Variants in PRMT5 observed in about 807,000 individuals in gnomAD.
PRMT5 encodes protein arginine methyltransferase 5, also known as protein arginine N-methyltransferase 5.
Under a neutral mutation model 84.0 loss-of-function variants are expected in PRMT5, and 15 were observed. That is an observed-to-expected ratio of 0.18 (90% CI 0.12 to 0.28). The LOEUF is 0.28. Among genes scored for constraint, PRMT5 ranks in the 10% least tolerant of loss-of-function variants. The pLI is 1.00. For synonymous variants in PRMT5, 276 were observed against 292.4 expected (o/e 0.94, Z 0.57); for missense variants, 486 against 808.0 (o/e 0.60, Z 4.83).
Position 22,928,106 on chromosome 14 carries a change from G to A in PRMT5, c.315+20C>T, listed in dbSNP as rs1466338378. 2 of 1,606,982 alleles carry A rather than the reference G, an allele frequency of 1.2e-6. No individual in the cohort carries two copies. The highest frequency in any genetic ancestry group is 1.7e-6 in the Non-Finnish European group (2 of 1,175,504). ...CCAGCTTGGTTAGAAAAATCCAGCA[G>A]AGAAGTCAAACAGTCTTACCGCCTC... On this transcript the variant is annotated intron_variant, in intron 3 of 16. Transcript: ENST00000324366. This position sits in a 1 kb window ranked among gnomAD's most constrained non-coding sequence, Gnocchi z 4.8.
chr14:22,927,601 G>A lies in PRMT5; in HGVS notation c.375C>T (p.Pro125=), dbSNP rs74039805. 1.7e-3 allele frequency: 2,670 copies of A among 1,614,062 alleles called. 34 individuals carry two copies. The African/African-American group carries it at 0.032, about 20-fold the overall frequency. ...GGTTGGTGTTATCTTCCTGATTAAG[G>A]GGCAGCAGGAAAGCTGGAAGACCCA... is the stretch of plus-strand genomic sequence containing the variant. ...AYLGLPAFLL[P]LNQEDNTNLA... is the part of the protein sequence containing the mutation. The change falls in exon 4 of 17, where the codon CCC becomes CCT. Residue 125 remains proline (P), a synonymous_variant. Coordinates refer to ENST00000324366, the MANE Select transcript of PRMT5 (RefSeq NM_006109.5).
Position 22,928,367 on chromosome 14 carries a change from A to G in PRMT5, c.229+130T>C. On this transcript the variant is annotated intron_variant, in intron 2 of 16. Transcript: ENST00000324366. This position sits in a 1 kb window ranked among gnomAD's most constrained non-coding sequence, Gnocchi z 4.8. ...TGATGCAGAATAGAGAAGCAAGGAG[A>G]AAACAAGTTATCTATATCCCAGGGA... 1 of 1,148,198 alleles carries G rather than the reference A, an allele frequency of 8.7e-7. No homozygotes were observed. The highest frequency in any genetic ancestry group is 1.3e-6 in the Non-Finnish European group (1 of 774,308). The allele number at this position is 1,148,198 out of a possible 1,614,324, so 71.1% of individuals were successfully genotyped here.
At position 22,920,990 on chromosome 14, in the gene PRMT5, T is replaced by G. The variant is rs780227764; in HGVS notation, c.1828A>C (p.Lys610Gln). ...VRFWRCSNSK[K>Q]VWYEWAVTAP... is the part of the protein sequence containing the mutation. ...GTCACAGCCCACTCATACCACACCT[T>G]CTTGGAATTGCTGCATCGCCAGAAA... is the stretch of plus-strand genomic sequence containing the variant. Residue 610 changes from lysine to glutamine, a missense_variant, in exon 17 of 17, where the codon AAG becomes CAG. By Grantham distance (53) the Lys-to-Gln change is moderately conservative (BLOSUM62 1). This residue lies in a region of PRMT5 where 219 missense variants were observed against 433.6 expected (regional missense o/e 0.51). Transcript: ENST00000324366. The G allele has an allele frequency of 1.9e-6, 3 of 1,614,068 alleles. No individual in the cohort carries two copies. The highest frequency in any genetic ancestry group is 2.5e-6 in the Non-Finnish European group (3 of 1,180,048).
intron 7 of PRMT5, 111 bp from the exon 8 acceptor site, chr14:22,925,151 C>CA: frequency 3.5e-6 from 3 of 867,884 alleles, no homozygotes; most frequent in Non-Finnish European, 4.7e-6. Flanking sequence ...CAACAGTTCT[C>CA]TTTTTTTTTT....
In PRMT5 at chr14:22,928,075, C is replaced by A; in HGVS notation, c.315+51G>T. ...ATTGGGGATGGGAGGGGACCACTCT[C>A]CCCACCCAGCTTGGTTAGAAAAATC... is the stretch of plus-strand genomic sequence containing the variant. On this transcript the variant is annotated intron_variant, in intron 3 of 16. Coordinates refer to ENST00000324366, the MANE Select transcript of PRMT5 (RefSeq NM_006109.5). This position sits in a 1 kb window ranked among gnomAD's most constrained non-coding sequence, Gnocchi z 4.8. The A allele has an allele frequency of 6.6e-7, 1 of 1,517,986 alleles. No homozygotes were observed. Among genetic ancestry groups the A allele is most frequent in the South Asian group, 1.2e-5 (1 of 85,816 alleles). The allele number at this position is 1,517,986 out of a possible 1,614,324, so 94.0% of individuals were successfully genotyped here. A position where few individuals can be genotyped will look rare whatever the true frequency, so the allele number is the denominator to read the frequency against.
At chr14:22,929,069 C>G (rs756090441) in intron 1 of PRMT5, 183 bp downstream of exon 1, 17 of 1,466,760 alleles carry the variant, frequency 1.2e-5, no homozygotes, top group Non-Finnish European at 1.5e-5. Context: ...TGACCACAGG[C>G]CTCCCACAAG....
chr14:22,921,687 A>G (rs2044299972), intron 16 of PRMT5, among the ~76,000 whole-genome samples: 1 of 152,130 alleles, frequency 6.6e-6, no homozygotes, highest in Non-Finnish European at 1.5e-5. Context: ...GATCGAGACC[A>G]TCCTGGCTAA....
rs758527390 is a variant in PRMT5 at position 22,924,340 on chromosome 14, G to T, written c.1129C>A (p.Arg377=). ...CGCCGGTCGGCCTGCTTGGCTGCCCGCAGGGAAGCGTTCACCAGGGGTCCC... is the reference window on the plus strand; with the variant it reads ...CGCCGGTCGGCCTGCTTGGCTGCCCTCAGGGAAGCGTTCACCAGGGGTCCC... ...GRGPLVNASL[R]AAKQADRRIK... is the part of the protein sequence containing the mutation. The change falls in exon 11 of 17, where the codon CGG becomes AGG. Residue 377 remains arginine (R), a synonymous_variant. Transcript: ENST00000324366. The surrounding 1 kb of genome is among the most constrained non-coding windows in gnomAD (Gnocchi z 6.5). 2.5e-6 allele frequency: 4 copies of T among 1,613,906 alleles called. No homozygotes were observed. The highest frequency in any genetic ancestry group is 1.7e-6 in the Non-Finnish European group (2 of 1,180,024).
chr14:22,922,292 G>A, intron 15 of PRMT5, 52 bp from the exon 16 acceptor site: 1 of 1,512,210 alleles, frequency 6.6e-7, no homozygotes, highest in Non-Finnish European at 9.2e-7. Flanking sequence ...TGTGACTTTT[G>A]CCTATGCTGA....
rs888743433 is a variant in PRMT5, at chr14:22,923,463, T to C, written c.1376-303A>G. ...GGTCACAAAGTCCCACAAAAGTTCC[T>C]GATGAAAGCTAAGCTCAGGGTACAT... On this transcript the variant is annotated intron_variant, in intron 12 of 16. Coordinates refer to ENST00000324366, the MANE Select transcript of PRMT5 (RefSeq NM_006109.5). The surrounding 1 kb of genome is among the most constrained non-coding windows in gnomAD (Gnocchi z 5.2). 1 of 226,438 alleles carries C rather than the reference T, an allele frequency of 4.4e-6. No homozygotes were observed. The highest frequency in any genetic ancestry group is 8.5e-6 in the Non-Finnish European group (1 of 117,452). 14.0% of individuals were successfully genotyped at this position (226,438 alleles called of 1,614,324 possible).
intron 7 of PRMT5, among the ~76,000 whole-genome samples, chr14:22,925,346 G>A (rs1258453650): frequency 2.0e-5 from 3 of 151,378 alleles, no homozygotes; most frequent in East Asian, 3.9e-4. Context: ...TAGTAGAGAC[G>A]GGGTTTCACC....
Position 22,924,644 on chromosome 14 carries a change from A to G in PRMT5, c.1005T>C (p.Ser335=), listed in dbSNP as rs1419273306. ...CACCACACAGTACCTGCTGGTACTG[A>G]GAGTATTTGATGGGGTCCTTTTCAA... is the stretch of plus-strand genomic sequence containing the variant. ...EVFEKDPIKY[S]QYQQAIYKCL... Residue 335 remains serine (S), a synonymous_variant, in exon 9 of 17, where the codon TCT becomes TCC. Coordinates refer to ENST00000324366, the MANE Select transcript of PRMT5 (RefSeq NM_006109.5). This position sits in a 1 kb window ranked among gnomAD's most constrained non-coding sequence, Gnocchi z 6.5. The G allele has an allele frequency of 6.2e-7, 1 of 1,613,856 alleles. No individual in the cohort carries two copies. The highest frequency in any genetic ancestry group is 1.7e-5 in the Admixed American group (1 of 59,982).
Position 22,929,349 on chromosome 14 carries a change from C to A in PRMT5, c.13G>T (p.Ala5Ser). Residue 5 changes from alanine (A) to serine (S), a missense_variant, in exon 1 of 17, where the codon GCG becomes TCG. Ala to Ser is a moderately conservative substitution (Grantham distance 99, BLOSUM62 1). Around this residue, in one of 4 missense-constraint regions of PRMT5, gnomAD observed 51 missense variants for 53.8 expected, o/e 0.95. Transcript: ENST00000324366. MAAMAVGGAGGSRVS... is the reference protein window; with the variant it reads MAAMSVGGAGGSRVS... ...CGGCTCCCACCAGCACCCCCGACCG[C>A]CATCGCCGCCATCTTTCTCCTCGCG... is the stretch of plus-strand genomic sequence containing the variant. 6.2e-7 allele frequency: 1 copy of A among 1,608,522 alleles called. No homozygotes were observed.
chr14:22,921,125 G>A (rs1302362639), intron 16 of PRMT5, 69 bp from the exon 17 acceptor site: 1 of 1,569,412 alleles, frequency 6.4e-7, no homozygotes, highest in East Asian at 2.2e-5. Flanking sequence ...ATTAAGGTAG[G>A]TGTGGAGATA....
chr14:22,925,218 T>C (rs2044392807), intron 7 of PRMT5, among the ~76,000 whole-genome samples, 178 bp from the exon 8 acceptor site: 2 of 151,130 alleles, frequency 1.3e-5, no homozygotes, highest in African/African-American at 4.9e-5. Flanking sequence ...TGCAATGGCG[T>C]GATCTTGGCT....
rs775567375 is a variant in PRMT5, at chr14:22,929,270, C to T, written c.92G>A (p.Gly31Glu). 21 of 1,613,952 alleles carry T rather than the reference C, an allele frequency of 1.3e-5. No individual in the cohort carries two copies. The highest frequency in any genetic ancestry group is 1.7e-5 in the Non-Finnish European group (20 of 1,180,018). ...CCCTCACCCCTGCTTGGCCACAGCC[C>T]CTAGTGTGTCAGCTATTTCGGGGAC... ...NCVPEIADTLGAVAKQGFDFL... is the reference protein window; with the variant it reads ...NCVPEIADTLEAVAKQGFDFL... The change falls in exon 1 of 17, where the codon GGG (glycine) becomes GAG (glutamate). Residue 31 changes from glycine (G) to glutamate (E), a missense_variant. Physicochemically the swap from Gly to Glu is moderately conservative, Grantham distance 98. Transcript: ENST00000324366.
chr14:22,926,832 C>T lies in PRMT5; in HGVS notation c.451-18G>A. On this transcript the variant is annotated intron_variant, in intron 4 of 16. Coordinates refer to ENST00000324366, the MANE Select transcript of PRMT5 (RefSeq NM_006109.5). ...ATCCAGAACTGCACATGAACAGTCA[C>T]CCTTTTAGAACTCTCTTTTGAACTC... 6 of 1,566,950 alleles carry T rather than the reference C, an allele frequency of 3.8e-6. No homozygotes were observed. Among genetic ancestry groups the T allele is most frequent in the Non-Finnish European group, 5.3e-6 (6 of 1,137,186 alleles).
intron 4 of PRMT5, 178 bp from the exon 5 acceptor site, chr14:22,926,992 C>T: frequency 3.4e-6 from 2 of 589,480 alleles, no homozygotes; most frequent in South Asian, 4.4e-5. Context: ...AAATATCTGC[C>T]TTGTCTTACG....
chr14:22,926,073 C>T lies in PRMT5; in HGVS notation c.777+60G>A, dbSNP rs554855600. On this transcript the variant is annotated intron_variant, in intron 7 of 16. Coordinates refer to ENST00000324366, the MANE Select transcript of PRMT5 (RefSeq NM_006109.5). ...AGCCTCACAGGAAAAAACGATCATACACAGGTAAATAAGGCAAGATGTATA... is the reference window on the plus strand; with the variant it reads ...AGCCTCACAGGAAAAAACGATCATATACAGGTAAATAAGGCAAGATGTATA... 32 of 1,483,396 alleles carry T rather than the reference C, an allele frequency of 2.2e-5. No individual in the cohort carries two copies. The Admixed American group carries it at 5.0e-4, about 23-fold the overall frequency. 91.9% of individuals were successfully genotyped at this position (1,483,396 alleles called of 1,614,324 possible).
Sources: allele counts gnomAD v4.1 joint callset (sites outside exome capture counted in the v4.1 genomes callset), GRCh38; gene constraint gnomAD v4.1.1; regional missense constraint gnomAD v4.1.1; non-coding constraint Gnocchi (gnomAD v3.1); transcripts MANE v1.5; gene names NCBI Gene and HGNC (gene_info 2026-07-23, HGNC 2026-07-21).